Variants in YAF2 observed in about 807,000 individuals in gnomAD.
YAF2 encodes YY1 associated factor 2.
In YAF2, 7 loss-of-function variants were observed where a neutral mutation model predicts 20.1. That is an observed-to-expected ratio of 0.35 (90% CI 0.20 to 0.65). The LOEUF is 0.65. Among genes scored for constraint, YAF2 ranks in the 30% least tolerant of loss-of-function variants. The pLI, the probability that YAF2 is intolerant of heterozygous loss-of-function variation, is 0.69. For missense variants in YAF2, 151 were observed against 219.2 expected, an observed-to-expected ratio of 0.69 and a Z score of 1.96; for synonymous variants, 74 against 76.0, an observed-to-expected ratio of 0.97 and a Z score of 0.14.
At chr12:42,206,960 T>G (rs1299065672) in intron 2 of YAF2, among the ~76,000 whole-genome samples, 1 of 152,188 alleles carries the variant, frequency 6.6e-6, no homozygotes, top group Non-Finnish European at 1.5e-5. Flanking sequence ...TTTACAACGT[T>G]TGCTTTACCT....
intron 2 of YAF2, among the ~76,000 whole-genome samples, chr12:42,162,272 T>G (rs1335917180): frequency 1.3e-5 from 2 of 152,226 alleles, no homozygotes; most frequent in African/African-American, 4.8e-5. Context: ...TTAAGTTTCT[T>G]ACATCTCCAG....
At position 42,237,585 on chromosome 12, in the gene YAF2, G is replaced by C. The variant is rs949329877; in HGVS notation, c.152+14C>G. 2.6e-6 allele frequency: 4 copies of C among 1,524,296 alleles called. No individual in the cohort carries two copies. The highest frequency in any genetic ancestry group is 2.6e-6 in the Non-Finnish European group (3 of 1,134,816). The allele number at this position is 1,524,296 out of a possible 1,614,324, so 94.4% of individuals were successfully genotyped here. A position where few individuals can be genotyped will look rare whatever the true frequency, so the allele number is the denominator to read the frequency against. On this transcript the variant is annotated intron_variant, in intron 2 of 3. Transcript: ENST00000534854. ...CCGCCGGCCGGCGGCGCGAGGGGCA[G>C]GCCCGGGACTCACCGGGTGGAGGTG...
chr12:42,232,713 G>A, intron 2 of YAF2: 7 of 985,288 alleles, frequency 7.1e-6, no homozygotes, highest in Non-Finnish European at 8.4e-6. Flanking sequence ...AAGACATAAA[G>A]CAAGTATGAC....
At chr12:42,205,370 C>T (rs2137188000) in intron 2 of YAF2, among the ~76,000 whole-genome samples, 1 of 150,468 alleles carries the variant, frequency 6.6e-6, no homozygotes, top group Non-Finnish European at 1.5e-5. Context: ...CTTGCTGCTG[C>T]TTCTTCTCTT....
chr12:42,226,213 C>G (rs2137347278), intron 2 of YAF2, among the ~76,000 whole-genome samples: 1 of 152,262 alleles, frequency 6.6e-6, no homozygotes, highest in Non-Finnish European at 1.5e-5. Context: ...TCAAGAAACA[C>G]TTCGTTTTTA....
chr12:42,194,343 A>C (rs888322170), intron 2 of YAF2, among the ~76,000 whole-genome samples: 5 of 152,186 alleles, frequency 3.3e-5, no homozygotes, highest in Admixed American at 3.3e-4. Context: ...CAAGTTGTGA[A>C]GTAAAATAAA....
intron 2 of YAF2, among the ~76,000 whole-genome samples, chr12:42,198,709 G>A (rs1179513835): frequency 6.6e-6 from 1 of 152,150 alleles, no homozygotes; most frequent in Non-Finnish European, 1.5e-5. Context: ...GAAATGGAGA[G>A]CGGGGTTTCA....
chr12:42,162,658 T>G (rs1366002975), intron 2 of YAF2, among the ~76,000 whole-genome samples: 1 of 152,248 alleles, frequency 6.6e-6, no homozygotes, highest in East Asian at 1.9e-4. Context: ...CTTTTTTGGT[T>G]AGTACAGTTT....
At chr12:42,202,318 C>T (rs1293197797) in intron 2 of YAF2, among the ~76,000 whole-genome samples, 2 of 152,156 alleles carry the variant, frequency 1.3e-5, no homozygotes, top group Non-Finnish European at 2.9e-5. Context: ...ACTGAATGTA[C>T]AGCTTGACCT....
intron 2 of YAF2, among the ~76,000 whole-genome samples, chr12:42,174,437 T>G (rs2066129959): frequency 6.6e-6 from 1 of 152,192 alleles, no homozygotes; most frequent in African/African-American, 2.4e-5. Context: ...CCTGCCTCAC[T>G]GGCTACTCTT....
intron 2 of YAF2, among the ~76,000 whole-genome samples, chr12:42,201,523 T>TTG (rs150712526): frequency 0.018 from 2,719 of 152,324 alleles, 78 homozygotes; most frequent in African/African-American, 0.061. Context: ...ATTAAAGACA[T>TTG]TGTGTGTGTC....
At chr12:42,188,005 C>T (rs1214225002) in intron 2 of YAF2, among the ~76,000 whole-genome samples, 1 of 152,240 alleles carries the variant, frequency 6.6e-6, no homozygotes, top group Non-Finnish European at 1.5e-5. Flanking sequence ...CTTCAGGTAA[C>T]TGCAGCCTCA....
intron 2 of YAF2, among the ~76,000 whole-genome samples, chr12:42,175,241 A>C (rs2066149765): frequency 6.6e-6 from 1 of 152,198 alleles, no homozygotes; most frequent in Non-Finnish European, 1.5e-5. Context: ...TGCCGAGTGA[A>C]AGAGATTGGA....
In YAF2 at chr12:42,159,582, T is replaced by C. The variant is rs1275775709; in HGVS notation, c.*1007A>G. 6.6e-6 allele frequency: 1 copy of C among 152,148 alleles called. No homozygotes were observed. Among genetic ancestry groups the C allele is most frequent in the Admixed American group, 6.5e-5 (1 of 15,276 alleles). 9.4% of individuals were successfully genotyped at this position (152,148 alleles called of 1,614,324 possible). On this transcript the variant is annotated 3_prime_UTR_variant, in exon 4 of 4. Transcript: ENST00000534854. Reference sequence around the variant, plus strand: ...ACTATGATTTTCATAAGAATTATTGTATTTAATAAGAAGCCAATTTGACTG... The same window carrying C: ...ACTATGATTTTCATAAGAATTATTGCATTTAATAAGAAGCCAATTTGACTG...
At chr12:42,199,422 C>T in intron 2 of YAF2, 1 of 260,252 alleles carries the variant, frequency 3.8e-6, no homozygotes, top group Admixed American at 5.2e-5. Flanking sequence ...TATCCTTTCT[C>T]AGTAATCTTT....
At chr12:42,168,327 C>T (rs2065963390) in intron 2 of YAF2, among the ~76,000 whole-genome samples, 1 of 151,930 alleles carries the variant, frequency 6.6e-6, no homozygotes, top group African/African-American at 2.4e-5. Context: ...TACAAGTGTG[C>T]ACCACCATGC....
chr12:42,229,202 G>A (rs1327014921), intron 2 of YAF2, among the ~76,000 whole-genome samples: 2 of 87,822 alleles, frequency 2.3e-5, no homozygotes, highest in East Asian at 3.0e-4. Context: ...TTAAACAGAT[G>A]CTTGAAGGCA....
chr12:42,187,311 C>T (rs1189992369), intron 2 of YAF2, among the ~76,000 whole-genome samples: 1 of 151,990 alleles, frequency 6.6e-6, no homozygotes, highest in East Asian at 1.9e-4. Context: ...TGCTCACTAC[C>T]ATGCCCAGCC....
chr12:42,183,043 T>C (rs573501820), intron 2 of YAF2, among the ~76,000 whole-genome samples: 1 of 152,348 alleles, frequency 6.6e-6, no homozygotes, highest in East Asian at 1.9e-4. Flanking sequence ...ATGTTTTCGT[T>C]ATTATTATAT....
Sources: gnomAD v4.1 joint callset for allele counts (sites outside exome capture counted in the v4.1 genomes callset) on GRCh38, gnomAD v4.1.1 for gene constraint, MANE v1.5 for transcripts, NCBI Gene and HGNC (gene_info 2026-07-23, HGNC 2026-07-21) for gene names.